The following PHF10 variants were observed in gnomAD, a reference collection of about 807,000 sequenced individuals.
PHF10 encodes BRG1-associated factor 45a.
In PHF10, 51 loss-of-function variants were observed where a neutral mutation model predicts 68.5. That is an observed-to-expected ratio of 0.74 (90% CI 0.59 to 0.94). PHF10 has a LOEUF of 0.94. PHF10 is among the 40% of genes least tolerant of loss of function. The pLI is 0.00. For synonymous variants in PHF10, 204 were observed against 203.5 expected (o/e 1.00, Z -0.02); for missense variants, 460 against 602.6 (o/e 0.76, Z 2.48).
At chr6:169,712,708 G>C (rs1788953211) in intron 7 of PHF10, among the ~76,000 whole-genome samples, 169 bp from the exon 8 acceptor site, 1 of 152,114 alleles carries the variant, frequency 6.6e-6, no homozygotes, top group African/African-American at 2.4e-5. Flanking sequence ...TAAAAAGCCT[G>C]AACATCTTTT....
intron 11 of PHF10, chr6:169,704,897 T>C: frequency 2.6e-6 from 1 of 388,928 alleles, no homozygotes; most frequent in Non-Finnish European, 4.7e-6. Context: ...GCTCATTCTA[T>C]AGAACTATAC....
chr6:169,714,298 G>A (rs1210385471), intron 7 of PHF10, among the ~76,000 whole-genome samples: 2 of 152,194 alleles, frequency 1.3e-5, no homozygotes, highest in Non-Finnish European at 2.9e-5. Context: ...CTTCTCTGCA[G>A]TAAAAGTCAG....
intron 4 of PHF10, chr6:169,717,621 T>G: frequency 2.1e-6 from 1 of 473,566 alleles, no homozygotes; most frequent in East Asian, 3.5e-5. Context: ...TGAACCATCA[T>G]AAGTCAGGAA....
At chr6:169,721,617 T>C (rs1789179028) in intron 1 of PHF10, among the ~76,000 whole-genome samples, 1 of 152,152 alleles carries the variant, frequency 6.6e-6, no homozygotes, top group Non-Finnish European at 1.5e-5. Context: ...ATAAGGGTCA[T>C]CAATCTATAA....
At chr6:169,705,759 A>G (rs1788762830) in intron 9 of PHF10, 35 bp from the exon 10 acceptor site, 1 of 1,003,784 alleles carries the variant, frequency 1.0e-6, no homozygotes, top group Non-Finnish European at 1.6e-6. Flanking sequence ...AATTCATGCC[A>G]GAAGAGCTTA....
intron 4 of PHF10, among the ~76,000 whole-genome samples, chr6:169,716,545 G>A (rs1789052119): frequency 6.6e-6 from 1 of 151,822 alleles, no homozygotes; most frequent in South Asian, 2.1e-4. Flanking sequence ...CACACACCAT[G>A]GAGACAATTT....
intron 9 of PHF10, chr6:169,708,489 T>C (rs1788856960): frequency 6.6e-6 from 1 of 152,180 alleles, no homozygotes; most frequent in Non-Finnish European, 1.5e-5. Context: ...ATACTTTTTA[T>C]AAAGAGGTTA....
chr6:169,722,609 G>A (rs937830378), intron 1 of PHF10, among the ~76,000 whole-genome samples: 1 of 152,218 alleles, frequency 6.6e-6, no homozygotes, highest in African/African-American at 2.4e-5. Flanking sequence ...TATATAAAGT[G>A]AGCATCTGGG....
chr6:169,705,039 C>T, intron 11 of PHF10, 94 bp downstream of exon 11: 1 of 878,306 alleles, frequency 1.1e-6, no homozygotes, highest in Non-Finnish European at 1.7e-6. Flanking sequence ...AGTCCACAAG[C>T]TCTTCATGTC....
At chr6:169,708,482 CT>C (rs2128329197) in intron 9 of PHF10, 1 of 152,070 alleles carries the variant, frequency 6.6e-6, no homozygotes, top group South Asian at 2.1e-4. Flanking sequence ...TTTATTAATA[CT>C]TTTTATAAAG....
At position 169,723,915 on chromosome 6, in the gene PHF10, C is replaced by A; in HGVS notation, c.17G>T (p.Gly6Val). 1 of 1,036,968 alleles carries A rather than the reference C, an allele frequency of 9.6e-7. No homozygotes were observed. Among genetic ancestry groups the A allele is most frequent in the Non-Finnish European group, 1.2e-6 (1 of 859,578 alleles). The allele number at this position is 1,036,968 out of a possible 1,614,324, so 64.2% of individuals were successfully genotyped here. The change falls in exon 1 of 12, where the codon GGG becomes GTG. Residue 6 changes from glycine (G) to valine (V), a missense_variant. By Grantham distance (109) the Gly-to-Val change is moderately radical. Transcript: ENST00000339209. MAAAAGPGAALSPRPC... is the reference protein window; with the variant it reads MAAAAVPGAALSPRPC... ...CCGCGGGGACAGCGCAGCCCCGGGC[C>A]CGGCCGCCGCCGCCATCAGCCCGAG...
At position 169,703,947 on chromosome 6, in the gene PHF10, A is replaced by G; in HGVS notation, c.*56T>C. ...TTATTGGCATGAAAATAATGTTGTA[A>G]ATGGCACCAAATATTCCACTTAAAT... On this transcript the variant is annotated 3_prime_UTR_variant, in exon 12 of 12. Coordinates refer to ENST00000339209, the MANE Select transcript of PHF10 (RefSeq NM_018288.4). 1 of 1,336,162 alleles carries G rather than the reference A, an allele frequency of 7.5e-7. No homozygotes were observed. The highest frequency in any genetic ancestry group is 1.0e-6 in the Non-Finnish European group (1 of 974,456). The allele number at this position is 1,336,162 out of a possible 1,614,324, so 82.8% of individuals were successfully genotyped here. A position where few individuals can be genotyped will look rare whatever the true frequency, so the allele number is the denominator to read the frequency against.
chr6:169,723,098 G>A (rs548643591), intron 1 of PHF10, among the ~76,000 whole-genome samples: 1 of 152,328 alleles, frequency 6.6e-6, no homozygotes, highest in East Asian at 1.9e-4. Flanking sequence ...ACGGCACACC[G>A]CGCACCGCAC....
At chr6:169,723,581 G>A (rs115982368) in intron 1 of PHF10, among the ~76,000 whole-genome samples, 92 of 152,264 alleles carry the variant, frequency 6.0e-4, no homozygotes, top group Non-Finnish European at 1.1e-3. Flanking sequence ...GAGGCGTTTT[G>A]GGGACAAGCT....
intron 9 of PHF10, among the ~76,000 whole-genome samples, chr6:169,706,004 G>A (rs571227143): frequency 6.6e-6 from 1 of 152,228 alleles, no homozygotes; most frequent in Admixed American, 6.5e-5. Context: ...TTAATGAATG[G>A]AAGGAAAGAC....
At chr6:169,707,093 CAAG>C (rs761650097) in intron 9 of PHF10, 5 of 152,178 alleles carry the variant, frequency 3.3e-5, no homozygotes, top group South Asian at 2.1e-4. Context: ...AGAATAAAAA[CAAG>C]AACTCTAAAC....
At chr6:169,705,886 C>G (rs952626674) in intron 9 of PHF10, among the ~76,000 whole-genome samples, 162 bp from the exon 10 acceptor site, 1 of 152,168 alleles carries the variant, frequency 6.6e-6, no homozygotes, top group Admixed American at 6.5e-5. Context: ...CAATGTAAGA[C>G]TGCCTACTGA....
chr6:169,724,418 G>C lies in PHF10; in HGVS notation c.-487C>G, dbSNP rs865820792. On this transcript the variant is annotated 5_prime_UTR_variant, in exon 1 of 12. Coordinates refer to ENST00000339209, the MANE Select transcript of PHF10 (RefSeq NM_018288.4). ...GCCGCTCGCCTCAGCCCCGCCGCTC[G>C]CCTCAGCCCCGCCGCTCCCCTCAGC... 9.0e-4 allele frequency among the ~76,000 whole-genome samples: 98 copies of C among 109,362 alleles called. No individual in the cohort carries two copies. Among genetic ancestry groups the C allele is most frequent in the African/African-American group, 3.1e-3 (85 of 27,294 alleles). The allele number at this position is 109,362 out of a possible 152,430, so 71.7% of individuals were successfully genotyped here.
At chr6:169,720,502 A>G (rs761804659) in intron 2 of PHF10, among the ~76,000 whole-genome samples, 1 of 152,226 alleles carries the variant, frequency 6.6e-6, no homozygotes, top group Non-Finnish European at 1.5e-5. Context: ...TATGCTACAA[A>G]GATGAACCTT....
Sources: gnomAD v4.1 joint callset for allele counts (sites outside exome capture counted in the v4.1 genomes callset) on GRCh38, gnomAD v4.1.1 for gene constraint, MANE v1.5 for transcripts, NCBI Gene and HGNC (gene_info 2026-07-23, HGNC 2026-07-21) for gene names.